The following EWSR1 variants were observed in gnomAD, a reference collection of about 807,000 sequenced individuals.
EWSR1 encodes the protein EWS RNA binding protein 1, also known as RNA-binding protein EWS.
In EWSR1, 14 loss-of-function variants were observed where a neutral mutation model predicts 92.1. That is an observed-to-expected ratio of 0.15 (90% CI 0.10 to 0.24). EWSR1 has a LOEUF of 0.24. Among genes scored for constraint, EWSR1 ranks in the 10% least tolerant of loss-of-function variants. The probability of loss-of-function intolerance (pLI) is 1.00; values close to 1 mark genes in which losing one functional copy is unlikely to be tolerated. For missense variants in EWSR1, 637 were observed against 870.9 expected (o/e 0.73, Z 3.38); for synonymous variants, 303 against 292.9 (o/e 1.03, Z -0.35).
At chr22:29,290,356 AT>A in intron 8 of EWSR1, 1 of 1,539,886 alleles carries the variant, frequency 6.5e-7, no homozygotes, top group Non-Finnish European at 8.8e-7. Context: ...TGATATTTTC[AT>A]TGGCTGTTAA....
intron 4 of EWSR1, chr22:29,274,599 G>A: frequency 2.7e-6 from 1 of 368,798 alleles, no homozygotes; most frequent in Non-Finnish European, 5.0e-6. Context: ...TAGATTGCAT[G>A]ATGAGATTTA....
chr22:29,280,907 T>G (rs1474473260), intron 5 of EWSR1, among the ~76,000 whole-genome samples: 2 of 127,028 alleles, frequency 1.6e-5, no homozygotes, highest in Admixed American at 9.0e-5. Context: ...TTTGACAGAG[T>G]CTTGCTCCGT....
chr22:29,278,248 T>G (rs769651622), intron 5 of EWSR1, 32 bp downstream of exon 5: 38 of 1,598,190 alleles, frequency 2.4e-5, no homozygotes, highest in Non-Finnish European at 3.2e-5. Flanking sequence ...TGCGTCAGTC[T>G]TATGTTGGAG....
intron 12 of EWSR1, 99 bp from the exon 13 acceptor site, chr22:29,297,728 G>A (rs750077529): frequency 1.4e-6 from 2 of 1,471,552 alleles, no homozygotes; most frequent in Admixed American, 2.0e-5. Context: ...AAGATTACAG[G>A]CAGACCTAAT....
At chr22:29,275,921 T>G (rs1019996055) in intron 4 of EWSR1, 1 of 199,820 alleles carries the variant, frequency 5.0e-6, no homozygotes, top group African/African-American at 2.7e-5. Flanking sequence ...GGTCTTTTGT[T>G]TTTTTGTTTT....
intron 12 of EWSR1, 112 bp from the exon 13 acceptor site, chr22:29,297,715 G>T: frequency 7.1e-7 from 1 of 1,403,612 alleles, no homozygotes; most frequent in African/African-American, 1.4e-5. Flanking sequence ...AAAGATCTTA[G>T]AGAAGATTAC....
intron 12 of EWSR1, 37 bp downstream of exon 12, chr22:29,296,405 C>T: frequency 2.5e-6 from 4 of 1,610,270 alleles, no homozygotes; most frequent in Non-Finnish European, 3.4e-6. Context: ...ATCTCCCTGG[C>T]TATAGAATAT....
At chr22:29,290,253 C>T (rs1283271268) in intron 8 of EWSR1, 2 of 601,778 alleles carry the variant, frequency 3.3e-6, no homozygotes, top group African/African-American at 3.8e-5. Flanking sequence ...CGTTGCCCCC[C>T]TTTTTATTGT....
rs777279508 is a variant in EWSR1, at chr22:29,300,179, AG to A, written c.*19del. 3.1e-6 allele frequency: 5 copies of A among 1,604,856 alleles called. No homozygotes were observed. Among genetic ancestry groups the A allele is most frequent in the Non-Finnish European group, 4.3e-6 (5 of 1,176,418 alleles). On this transcript the variant is annotated 3_prime_UTR_variant, in exon 17 of 17. Transcript: ENST00000397938. ...CCTACTAGATGCAGAGACCCCGCAG[AG>A]CTGCATTGACTACCAGATTTATTTT...
chr22:29,295,151 C>T (rs1194198710), intron 11 of EWSR1, among the ~76,000 whole-genome samples: 6 of 151,890 alleles, frequency 4.0e-5, no homozygotes, highest in South Asian at 4.2e-4. Context: ...CTGCAACCTC[C>T]GCCTCCTGGG....
intron 16 of EWSR1, 129 bp from the exon 17 acceptor site, chr22:29,299,984 CCTGGGGGCT>C: frequency 4.2e-6 from 6 of 1,422,680 alleles, no homozygotes; most frequent in South Asian, 1.3e-5. Flanking sequence ...GGAAGGGGCA[CCTGGGGGCT>C]CTGGAAGGGC....
At chr22:29,299,534 C>T in intron 15 of EWSR1, 65 bp from the exon 16 acceptor site, 1 of 1,523,164 alleles carries the variant, frequency 6.6e-7, no homozygotes, top group South Asian at 1.3e-5. Flanking sequence ...GAGCAGCTTC[C>T]ACAGTGTCCA....
At chr22:29,273,619 T>C (rs891691210) in intron 3 of EWSR1, 122 bp from the exon 4 acceptor site, 2 of 1,128,138 alleles carry the variant, frequency 1.8e-6, no homozygotes, top group South Asian at 1.6e-5. Flanking sequence ...TGTTTTTGTT[T>C]TGTTTTTTTA....
chr22:29,286,710 AAAT>A (rs1202650814), intron 6 of EWSR1, among the ~76,000 whole-genome samples: 1,695 of 140,308 alleles, frequency 0.012, 31 homozygotes, highest in African/African-American at 0.045. Flanking sequence ...AAAAAAAAAA[AAAT>A]TTTTTTGTTT....
intron 1 of EWSR1, among the ~76,000 whole-genome samples, chr22:29,270,182 A>G (rs2058556779): frequency 6.6e-6 from 1 of 152,180 alleles, no homozygotes; most frequent in Non-Finnish European, 1.5e-5. Flanking sequence ...TGACTGCTCT[A>G]AAGTGTTAAA....
chr22:29,299,172 C>CT (rs773734026), intron 14 of EWSR1, 62 bp from the exon 15 acceptor site: 4 of 1,613,616 alleles, frequency 2.5e-6, no homozygotes, highest in Non-Finnish European at 3.4e-6. Context: ...CACACACCAC[C>CT]TTTCCTTGTT....
intron 5 of EWSR1, among the ~76,000 whole-genome samples, chr22:29,281,893 G>C (rs1239312164): frequency 1.3e-5 from 2 of 152,096 alleles, no homozygotes; most frequent in Non-Finnish European, 2.9e-5. Flanking sequence ...GCCTTGACCT[G>C]GTCTGTTTTT....
At position 29,291,559 on chromosome 22, in the gene EWSR1, C is replaced by A. The variant is rs1436770396; in HGVS notation, c.975-3C>A. On this transcript the variant is annotated splice_region_variant and splice_polypyrimidine_tract_variant and intron_variant, in intron 8 of 16. Coordinates refer to ENST00000397938, the MANE Select transcript of EWSR1 (RefSeq NM_005243.4). Reference sequence around the variant, plus strand: ...GCCTTCATTTCTTCGTTTATCCCCCCAGCAGCGCTGGAGAGCGAGGTGGCT... The same window carrying A: ...GCCTTCATTTCTTCGTTTATCCCCCAAGCAGCGCTGGAGAGCGAGGTGGCT... The A allele has an allele frequency of 1.9e-6, 3 of 1,613,232 alleles. No homozygotes were observed. The highest frequency in any genetic ancestry group is 2.5e-6 in the Non-Finnish European group (3 of 1,179,692).
chr22:29,278,052 C>G lies in EWSR1; in HGVS notation c.249C>G (p.Pro83=). The part of the protein sequence containing the change: ...PPTGYTTPTA[P]QAYSQPVQGY... Reference sequence around the variant, plus strand: ...TAGGTTATACTACTCCAACTGCCCCCCAGGCATACAGCCAGCCTGTCCAGG... The same window carrying G: ...TAGGTTATACTACTCCAACTGCCCCGCAGGCATACAGCCAGCCTGTCCAGG... Residue 83 remains proline, a synonymous_variant, in exon 5 of 17, where the codon CCC becomes CCG. Transcript: ENST00000397938. The G allele has an allele frequency of 6.2e-7, 1 of 1,613,922 alleles. No individual in the cohort carries two copies.
Sources: gnomAD v4.1 joint callset for allele counts (sites outside exome capture counted in the v4.1 genomes callset) on GRCh38, gnomAD v4.1.1 for gene constraint, MANE v1.5 for transcripts, NCBI Gene and HGNC (gene_info 2026-07-23, HGNC 2026-07-21) for gene names.